Variants in IRAK2 observed in about 807,000 individuals in gnomAD.
IRAK2 encodes interleukin 1 receptor associated kinase 2.
IRAK2 carries 57 observed loss-of-function variants against 72.0 expected under a neutral mutation model. The observed-to-expected ratio is 0.79, with a 90% CI of 0.64 to 0.99. The LOEUF is 0.99. Among genes scored for constraint, IRAK2 ranks in the 50% least tolerant of loss-of-function variants. IRAK2 has a pLI of 0.00. For missense variants in IRAK2, 790 were observed against 794.4 expected (o/e 0.99, Z 0.07); for synonymous variants, 293 against 312.7 (o/e 0.94, Z 0.67).
At chr3:10,219,999 T>C (rs1014435569) in intron 8 of IRAK2, among the ~76,000 whole-genome samples, 2 of 152,202 alleles carry the variant, frequency 1.3e-5, no homozygotes, top group Non-Finnish European at 2.9e-5. Context: ...GTCCAATTGC[T>C]CTCAGGATGA....
At chr3:10,194,863 C>G (rs764155166) in intron 2 of IRAK2, among the ~76,000 whole-genome samples, 2 of 152,184 alleles carry the variant, frequency 1.3e-5, no homozygotes, top group Non-Finnish European at 2.9e-5. Flanking sequence ...ACCAGAACTT[C>G]TTGTTGGGGC....
intron 2 of IRAK2, among the ~76,000 whole-genome samples, chr3:10,187,017 G>A (rs994909697): frequency 2.0e-5 from 3 of 149,670 alleles, no homozygotes; most frequent in Non-Finnish European, 4.4e-5. Flanking sequence ...ATCCTTAGTG[G>A]CTGAGCATCC....
intron 3 of IRAK2, among the ~76,000 whole-genome samples, chr3:10,205,657 G>A (rs1697423596): frequency 6.6e-6 from 1 of 152,230 alleles, no homozygotes; most frequent in Non-Finnish European, 1.5e-5. Flanking sequence ...TTCCCAGTGT[G>A]GGGCCCACAC....
At chr3:10,198,074 C>T (rs189865919) in intron 2 of IRAK2, among the ~76,000 whole-genome samples, 268 of 152,102 alleles carry the variant, frequency 1.8e-3, no homozygotes, top group African/African-American at 6.0e-3. Flanking sequence ...TGGTGGGCGC[C>T]TGTAGTCCCA....
chr3:10,169,711 C>T (rs1696765468), intron 1 of IRAK2, among the ~76,000 whole-genome samples: 1 of 152,128 alleles, frequency 6.6e-6, no homozygotes, highest in Non-Finnish European at 1.5e-5. Flanking sequence ...TCATATTTTT[C>T]AAACACACGT....
intron 9 of IRAK2, 102 bp downstream of exon 9, chr3:10,222,933 C>A: frequency 1.8e-6 from 2 of 1,081,202 alleles, no homozygotes; most frequent in South Asian, 2.9e-5. Flanking sequence ...CAGACAGGTT[C>A]CATCAAAGTA....
intron 2 of IRAK2, among the ~76,000 whole-genome samples, chr3:10,179,497 G>GCACA (rs1696929693): frequency 6.7e-6 from 1 of 149,706 alleles, no homozygotes; most frequent in African/African-American, 2.5e-5. Context: ...GCAGTGGTGA[G>GCACA]ATCTCGGCTC....
At chr3:10,221,488 C>T (rs1029712515) in intron 8 of IRAK2, among the ~76,000 whole-genome samples, 4 of 151,426 alleles carry the variant, frequency 2.6e-5, no homozygotes, top group East Asian at 2.0e-4. Context: ...CTCCTGACCT[C>T]GTGATCCACC....
At chr3:10,176,036 T>C (rs1488516466) in intron 1 of IRAK2, among the ~76,000 whole-genome samples, 1 of 150,772 alleles carries the variant, frequency 6.6e-6, no homozygotes, top group Non-Finnish European at 1.5e-5. Flanking sequence ...GGTGAGATGC[T>C]GTGTAACTTT....
At chr3:10,192,062 T>G (rs999386094) in intron 2 of IRAK2, among the ~76,000 whole-genome samples, 18 of 107,416 alleles carry the variant, frequency 1.7e-4, no homozygotes, top group African/African-American at 5.5e-4. Flanking sequence ...GTGTGTGTGT[T>G]GTGTGTTGTG....
chr3:10,189,543 G>A (rs1302828282), intron 2 of IRAK2, among the ~76,000 whole-genome samples: 3 of 152,234 alleles, frequency 2.0e-5, no homozygotes, highest in Non-Finnish European at 4.4e-5. Flanking sequence ...TTTGGGAAGT[G>A]ACCAAGGTTT....
chr3:10,236,287 G>A (rs1244210245), intron 11 of IRAK2, among the ~76,000 whole-genome samples: 1 of 148,170 alleles, frequency 6.7e-6, no homozygotes, highest in Non-Finnish European at 1.5e-5. Flanking sequence ...GGAAGGAGTT[G>A]TCCAATGATA....
At chr3:10,180,638 C>G (rs1461134013) in intron 2 of IRAK2, among the ~76,000 whole-genome samples, 3 of 152,000 alleles carry the variant, frequency 2.0e-5, no homozygotes, top group Non-Finnish European at 2.9e-5. Flanking sequence ...GCTGGACCAT[C>G]AGACCAGATT....
At chr3:10,220,505 C>T (rs901316327) in intron 8 of IRAK2, among the ~76,000 whole-genome samples, 7 of 151,952 alleles carry the variant, frequency 4.6e-5, no homozygotes, top group South Asian at 4.1e-4. Flanking sequence ...TGCAGTGGTG[C>T]GATCTCAGCT....
At chr3:10,209,727 T>C (rs921746822) in intron 4 of IRAK2, 35 bp downstream of exon 4, 1 of 1,307,670 alleles carries the variant, frequency 7.6e-7, no homozygotes, top group African/African-American at 1.5e-5. Flanking sequence ...CCCCAAGCCA[T>C]GTCTCCCAGC....
At chr3:10,213,671 T>C (rs1474661505) in intron 6 of IRAK2, 123 bp downstream of exon 6, 2 of 711,090 alleles carry the variant, frequency 2.8e-6, no homozygotes, top group African/African-American at 3.6e-5. Context: ...AAGAACCCTA[T>C]AAATGTAGCT....
At chr3:10,213,579 T>C in intron 6 of IRAK2, 31 bp downstream of exon 6, 4 of 1,541,184 alleles carry the variant, frequency 2.6e-6, no homozygotes, top group South Asian at 1.1e-5. Flanking sequence ...GTAATAATGA[T>C]AGCTAACCTT....
intron 2 of IRAK2, among the ~76,000 whole-genome samples, chr3:10,199,676 C>T (rs1284251275): frequency 6.6e-6 from 1 of 152,076 alleles, no homozygotes; most frequent in Non-Finnish European, 1.5e-5. Flanking sequence ...GCGCCCATTC[C>T]CATCTCTACT....
rs2125154354 is a variant in IRAK2, at chr3:10,209,606, G to T, written c.442G>T (p.Ala148Ser). The T allele has an allele frequency of 6.4e-7, 1 of 1,564,686 alleles. No individual in the cohort carries two copies. The highest frequency in any genetic ancestry group is 2.0e-5 in the Admixed American group (1 of 50,646). Residue 148 changes from alanine (A) to serine (S), a missense_variant, in exon 4 of 13, where the codon GCC becomes TCC. Physicochemically the swap from Ala to Ser is moderately conservative, Grantham distance 99 (BLOSUM62 1). Coordinates refer to ENST00000256458, the MANE Select transcript of IRAK2 (RefSeq NM_001570.4). ...FPGPGSSPAR[A>S]HQPAFLQPPE... ...CTTTCCAGGGTCCTCTCCAGCCAGAGCCCACCAGCCGGCCTTTCTCCAGCC... is the reference window on the plus strand; with the variant it reads ...CTTTCCAGGGTCCTCTCCAGCCAGATCCCACCAGCCGGCCTTTCTCCAGCC...
Sources: gnomAD v4.1 joint callset for allele counts (sites outside exome capture counted in the v4.1 genomes callset) on GRCh38, gnomAD v4.1.1 for gene constraint, MANE v1.5 for transcripts, NCBI Gene and HGNC (gene_info 2026-07-23, HGNC 2026-07-21) for gene names.